The following PTPN7 variants were observed in gnomAD, a reference collection of about 807,000 sequenced individuals.
PTPN7 encodes the protein protein tyrosine phosphatase non-receptor type 7, also known as tyrosine-protein phosphatase non-receptor type 7.
A neutral mutation model predicts 50.3 loss-of-function variants in PTPN7; 33 were observed. That is an observed-to-expected ratio of 0.66 (90% CI 0.50 to 0.88). The LOEUF is 0.88. Ranked by LOEUF, PTPN7 falls within the 40% of genes least tolerant of loss-of-function variation. PTPN7 has a pLI of 0.00. For missense variants in PTPN7, 412 were observed against 475.4 expected (o/e 0.87, Z 1.24); for synonymous variants, 185 against 186.6 (o/e 0.99, Z 0.07).
chr1:202,148,847 C>CTCTTTTTT (rs1553317965), intron 9 of PTPN7, 148 bp from the exon 10 acceptor site: 1 of 130,988 alleles, frequency 7.6e-6, no homozygotes, highest in South Asian at 1.1e-4. Flanking sequence ...CATCTTTTCA[C>CTCTTTTTT]TTTTTTTTTT....
At chr1:202,151,966 TG>T (rs1656054870) in intron 8 of PTPN7, among the ~76,000 whole-genome samples, 1 of 151,964 alleles carries the variant, frequency 6.6e-6, no homozygotes, top group South Asian at 2.1e-4. Flanking sequence ...TCACCCAGGC[TG>T]GAGTGCAGTG....
Position 202,159,640 on chromosome 1 carries a change from C to A in PTPN7, c.-52-186G>T, listed in dbSNP as rs59879043. 6.9e-7 allele frequency: 1 copy of A among 1,449,974 alleles called. No homozygotes were observed. The highest frequency in any genetic ancestry group is 9.1e-7 in the Non-Finnish European group (1 of 1,103,452). The allele number at this position is 1,449,974 out of a possible 1,614,324, so 89.8% of individuals were successfully genotyped here. A position where few individuals can be genotyped will look rare whatever the true frequency, so the allele number is the denominator to read the frequency against. On this transcript the variant is annotated intron_variant, in intron 1 of 9. Coordinates refer to ENST00000691036, the MANE Select transcript of PTPN7 (RefSeq NM_002832.4). The surrounding 1 kb of genome is among the most constrained non-coding windows in gnomAD (Gnocchi z 4.6). ...TGGGACCCAGGGCAGAAGGCAGTCT[C>A]GGGGTAGAGTAACGGCAAGATAAAG... is the stretch of plus-strand genomic sequence containing the variant.
chr1:202,153,655 C>A (rs11590076), intron 7 of PTPN7, 70 bp downstream of exon 7: 374,907 of 1,274,560 alleles, frequency 0.29, 57,984 homozygotes, highest in South Asian at 0.32. Flanking sequence ...TAGTGAAGAG[C>A]CAGCCTGAGT....
chr1:202,158,090 C>T lies in PTPN7; in HGVS notation c.306+28G>A, dbSNP rs373459704. 3.3e-5 allele frequency: 51 copies of T among 1,553,572 alleles called. No individual in the cohort carries two copies. The East Asian group carries it at 5.6e-4, about 17-fold the overall frequency. ...GCTGCCTCTGATACAGAGGGCAGAGCGATTCAGAGGGGACCCCAATTTCTT... is the reference window on the plus strand; with the variant it reads ...GCTGCCTCTGATACAGAGGGCAGAGTGATTCAGAGGGGACCCCAATTTCTT... On this transcript the variant is annotated intron_variant, in intron 3 of 9. Coordinates refer to ENST00000691036, the MANE Select transcript of PTPN7 (RefSeq NM_002832.4).
chr1:202,161,427 C>G (rs1300624554), upstream of PTPN7: 1 of 1,289,200 alleles, frequency 7.8e-7, no homozygotes, highest in Non-Finnish European at 1.0e-6. Context: ...AGGGGACTCC[C>G]ATGTCCTCTT....
intron 7 of PTPN7, among the ~76,000 whole-genome samples, chr1:202,152,924 G>A (rs1401366654): frequency 6.6e-6 from 1 of 152,192 alleles, no homozygotes; most frequent in East Asian, 1.9e-4. Flanking sequence ...CCAAATTCAA[G>A]CCCTGGCTCT....
Position 202,160,588 on chromosome 1 carries a change from T to C in PTPN7, c.-96A>G. 2 of 1,550,428 alleles carry C rather than the reference T, an allele frequency of 1.3e-6. No homozygotes were observed. The highest frequency in any genetic ancestry group is 2.0e-5 in the Admixed American group (1 of 50,990). On this transcript the variant is annotated 5_prime_UTR_variant, in exon 1 of 10. Transcript: ENST00000691036. This position sits in a 1 kb window ranked among gnomAD's most constrained non-coding sequence, Gnocchi z 4.8. ...CAGGCTGCCTCTTGCCAGCTGTCTG[T>C]CTGTCTGTCGGTCTGTCTTTGAGGG... is the stretch of plus-strand genomic sequence containing the variant.
At chr1:202,153,325 T>C (rs1280160558) in intron 7 of PTPN7, among the ~76,000 whole-genome samples, 1 of 152,182 alleles carries the variant, frequency 6.6e-6, no homozygotes, top group Non-Finnish European at 1.5e-5. Flanking sequence ...GGTTTCACCA[T>C]GTTGGCCAGG....
At chr1:202,155,721 T>A (rs1255589018) in intron 4 of PTPN7, 112 bp from the exon 5 acceptor site, 6 of 900,310 alleles carry the variant, frequency 6.7e-6, no homozygotes, top group Non-Finnish European at 8.7e-6. Context: ...CATAGCACCT[T>A]GTGTATAGCA....
chr1:202,148,413 G>T lies in PTPN7; in HGVS notation c.*193C>A. On this transcript the variant is annotated 3_prime_UTR_variant, in exon 10 of 10. Coordinates refer to ENST00000691036, the MANE Select transcript of PTPN7 (RefSeq NM_002832.4). Reference sequence around the variant, plus strand: ...AACAGAGGAAGCAGAGGAGTGGCCAGTGTTGAAGACCTGGAATCCGGCCCC... The same window carrying T: ...AACAGAGGAAGCAGAGGAGTGGCCATTGTTGAAGACCTGGAATCCGGCCCC... 1.9e-6 allele frequency: 1 copy of T among 526,936 alleles called. No individual in the cohort carries two copies. 32.6% of individuals were successfully genotyped at this position (526,936 alleles called of 1,614,324 possible).
intron 5 of PTPN7, among the ~76,000 whole-genome samples, 157 bp from the exon 6 acceptor site, chr1:202,154,480 G>A (rs184267331): frequency 6.6e-6 from 1 of 152,336 alleles, no homozygotes; most frequent in East Asian, 1.9e-4. Flanking sequence ...GCCACATGAT[G>A]GAAAGGATAC....
chr1:202,158,533 G>T, intron 2 of PTPN7: 30 of 363,152 alleles, frequency 8.3e-5, no homozygotes, highest in East Asian at 1.0e-4. Context: ...GCTAATTTAA[G>T]TTTTTTTTTT....
rs538960523 is a variant in PTPN7, at chr1:202,156,827, G to C, written c.391+912C>G. Among the ~76,000 whole-genome samples the C allele has an allele frequency of 5.3e-5, 8 of 152,318 alleles. No homozygotes were observed. The East Asian group carries it at 1.4e-3, about 26-fold the overall frequency. ...AGTAGCTTCCCTGTAGGGAGAGCAG[G>C]GGAGGGAGGGAGAGGCTCCGGGGCC... On this transcript the variant is annotated intron_variant, in intron 4 of 9. Transcript: ENST00000691036.
At chr1:202,161,048 C>T, upstream of PTPN7, 1 of 1,384,886 alleles carries the variant, frequency 7.2e-7, no homozygotes, top group Non-Finnish European at 9.3e-7. Flanking sequence ...GGCCCTCTCC[C>T]TCAAAGCCCT....
Position 202,159,849 on chromosome 1 carries a change from C to G in PTPN7, c.-52-395G>C. The G allele has an allele frequency of 1.9e-6, 2 of 1,073,612 alleles. No individual in the cohort carries two copies. The highest frequency in any genetic ancestry group is 3.9e-5 in the South Asian group (1 of 25,564). 66.5% of individuals were successfully genotyped at this position (1,073,612 alleles called of 1,614,324 possible). A position where few individuals can be genotyped will look rare whatever the true frequency, so the allele number is the denominator to read the frequency against. On this transcript the variant is annotated intron_variant, in intron 1 of 9. Coordinates refer to ENST00000691036, the MANE Select transcript of PTPN7 (RefSeq NM_002832.4). The surrounding 1 kb of genome is among the most constrained non-coding windows in gnomAD (Gnocchi z 4.6). Reference sequence around the variant, plus strand: ...AAAGCACGCAGAAGCCATCTCTGAGCTAACCAGTGGGCCTTCCCCTGAACA... The same window carrying G: ...AAAGCACGCAGAAGCCATCTCTGAGGTAACCAGTGGGCCTTCCCCTGAACA...
In PTPN7 at chr1:202,159,637, T is replaced by A; in HGVS notation, c.-52-183A>T. The A allele has an allele frequency of 6.8e-7, 1 of 1,459,902 alleles. No homozygotes were observed. Among genetic ancestry groups the A allele is most frequent in the South Asian group, 1.5e-5 (1 of 66,652 alleles). The allele number at this position is 1,459,902 out of a possible 1,614,324, so 90.4% of individuals were successfully genotyped here. A position where few individuals can be genotyped will look rare whatever the true frequency, so the allele number is the denominator to read the frequency against. On this transcript the variant is annotated intron_variant, in intron 1 of 9. Transcript: ENST00000691036. The surrounding 1 kb of genome is among the most constrained non-coding windows in gnomAD (Gnocchi z 4.6). ...TGGTGGGACCCAGGGCAGAAGGCAG[T>A]CTCGGGGTAGAGTAACGGCAAGATA... is the stretch of plus-strand genomic sequence containing the variant.
At chr1:202,161,000 T>C, upstream of PTPN7, 1 of 1,424,262 alleles carries the variant, frequency 7.0e-7, no homozygotes, top group Non-Finnish European at 9.1e-7. This position sits in a 1 kb window ranked among gnomAD's most constrained non-coding sequence, Gnocchi z 4.8. Flanking sequence ...TCTCTGCTTC[T>C]GCCCCACAGC....
chr1:202,158,106 C>G lies in PTPN7; in HGVS notation c.306+12G>C. The G allele has an allele frequency of 6.3e-7, 1 of 1,579,014 alleles. No homozygotes were observed. Among genetic ancestry groups the G allele is most frequent in the Non-Finnish European group, 8.6e-7 (1 of 1,163,616 alleles). ...AGGGCAGAGCGATTCAGAGGGGACC[C>G]CAATTTCTTACCAAGAATTCTTCTT... On this transcript the variant is annotated intron_variant, in intron 3 of 9. Transcript: ENST00000691036.
chr1:202,152,775 A>G, intron 7 of PTPN7, 76 bp from the exon 8 acceptor site: 2 of 1,526,614 alleles, frequency 1.3e-6, no homozygotes, highest in Non-Finnish European at 1.8e-6. Flanking sequence ...GTGCCTGAGG[A>G]GGGCAAGGGC....
Sources: allele counts gnomAD v4.1 joint callset (sites outside exome capture counted in the v4.1 genomes callset), GRCh38; gene constraint gnomAD v4.1.1; non-coding constraint Gnocchi (gnomAD v3.1); transcripts MANE v1.5; gene names NCBI Gene and HGNC (gene_info 2026-07-23, HGNC 2026-07-21).